DNAH11: variants seen among roughly 807,000 people sequenced by gnomAD.
DNAH11 encodes dynein axonemal heavy chain 11, also known as axonemal beta dynein heavy chain 11.
A neutral mutation model predicts 526.0 loss-of-function variants in DNAH11; 442 were observed. That is an observed-to-expected ratio of 0.84 (90% CI 0.78 to 0.91). The LOEUF (loss-of-function observed/expected upper bound fraction) is 0.91, where lower values mean the gene tolerates loss of function less well. Ranked by LOEUF, DNAH11 falls within the 40% of genes least tolerant of loss-of-function variation. DNAH11 has a pLI of 0.00. For missense variants in DNAH11, 6,989 were observed against 5,448.7 expected, an observed-to-expected ratio of 1.28 and a Z score of -8.90; for synonymous variants, 2,461 against 1,935.9, an observed-to-expected ratio of 1.27 and a Z score of -7.12.
chr7:21,548,803 G>A (rs2128426731), intron 2 of DNAH11, among the ~76,000 whole-genome samples: 1 of 152,288 alleles, frequency 6.6e-6, no homozygotes, highest in South Asian at 2.1e-4. Flanking sequence ...GAGGCAAGAG[G>A]AGTAGTTCAT....
At chr7:21,871,179 A>G (rs943459568) in intron 73 of DNAH11, among the ~76,000 whole-genome samples, 11 of 152,234 alleles carry the variant, frequency 7.2e-5, no homozygotes, top group Non-Finnish European at 1.3e-4. Flanking sequence ...AGAGAAAACT[A>G]TTATAAAAGT....
chr7:21,705,988 A>G (rs1247243311), intron 39 of DNAH11, among the ~76,000 whole-genome samples: 3 of 152,298 alleles, frequency 2.0e-5, no homozygotes, highest in African/African-American at 2.4e-5. Context: ...TTCTTTTCCA[A>G]GTCATCCTTG....
intron 1 of DNAH11, among the ~76,000 whole-genome samples, chr7:21,544,747 T>A (rs984481862): frequency 8.5e-5 from 13 of 152,212 alleles, no homozygotes; most frequent in African/African-American, 2.9e-4. Flanking sequence ...TGGTGTATAA[T>A]GAACTGGTAT....
At chr7:21,687,674 A>C in intron 34 of DNAH11, 147 bp downstream of exon 34, 1 of 1,003,750 alleles carries the variant, frequency 1.0e-6, no homozygotes, top group Non-Finnish European at 1.4e-6. Context: ...AATTATTTTG[A>C]ATAGTCTCCC....
chr7:21,792,771 C>A (rs990726879), intron 61 of DNAH11, among the ~76,000 whole-genome samples: 2 of 151,698 alleles, frequency 1.3e-5, no homozygotes, highest in Non-Finnish European at 1.5e-5. Flanking sequence ...TTATTTGGGT[C>A]TTCTCTCCTT....
Position 21,590,910 on chromosome 7 carries a change from T to C in DNAH11, c.2170-8T>C. Reference sequence around the variant, plus strand: ...TATGCAATAATTTTAATAATTGTATTTTAATAGCTAGTGGCTGTATTGAGA... The same window carrying C: ...TATGCAATAATTTTAATAATTGTATCTTAATAGCTAGTGGCTGTATTGAGA... On this transcript the variant is annotated splice_region_variant and splice_polypyrimidine_tract_variant and intron_variant, in intron 12 of 81. Transcript: ENST00000409508. 1 of 1,385,160 alleles carries C rather than the reference T, an allele frequency of 7.2e-7. No homozygotes were observed. Among genetic ancestry groups the C allele is most frequent in the Non-Finnish European group, 9.4e-7 (1 of 1,058,736 alleles). 85.8% of individuals were successfully genotyped at this position (1,385,160 alleles called of 1,614,324 possible).
rs181822842 is a variant in DNAH11, at chr7:21,749,578, A to G, written c.8674-100A>G. The G allele has an allele frequency of 3.9e-3, 5,874 of 1,498,274 alleles. 14 individuals carry two copies. Among genetic ancestry groups the G allele is most frequent in the Non-Finnish European group, 4.8e-3 (5,276 of 1,099,584 alleles). The allele number at this position is 1,498,274 out of a possible 1,614,324, so 92.8% of individuals were successfully genotyped here. On this transcript the variant is annotated intron_variant, in intron 52 of 81. Transcript: ENST00000409508. ...CCAGGGAAAGGCACCCCACAGTGCT[A>G]TGGCGATACAGTTACTGAGTTCTCC...
At chr7:21,878,249 C>G (rs1023312305) in intron 74 of DNAH11, among the ~76,000 whole-genome samples, 1 of 152,108 alleles carries the variant, frequency 6.6e-6, no homozygotes, top group Non-Finnish European at 1.5e-5. Context: ...TTTATGTTAT[C>G]AGAACACAAA....
chr7:21,638,801 A>G lies in DNAH11; in HGVS notation c.4818-138A>G, dbSNP rs867485463. ...CATAAGCAAGATAGATGATGGTGTA[A>G]AAAAGAAGGAAGTAAGCTACCTGTT... is the stretch of plus-strand genomic sequence containing the variant. On this transcript the variant is annotated intron_variant, in intron 27 of 81. Transcript: ENST00000409508. The G allele has an allele frequency of 5.8e-6, 6 of 1,031,190 alleles. No homozygotes were observed. The Middle Eastern group carries it at 1.3e-3, about 230-fold the overall frequency. 63.9% of individuals were successfully genotyped at this position (1,031,190 alleles called of 1,614,324 possible).
chr7:21,648,684 A>G (rs1016231077), intron 28 of DNAH11, among the ~76,000 whole-genome samples: 1 of 152,242 alleles, frequency 6.6e-6, no homozygotes, highest in Non-Finnish European at 1.5e-5. Context: ...GTGTTTTGTT[A>G]TACTGCAAAG....
chr7:21,574,519 C>G (rs1784009823), intron 8 of DNAH11, among the ~76,000 whole-genome samples: 1 of 151,794 alleles, frequency 6.6e-6, no homozygotes, highest in Non-Finnish European at 1.5e-5. Context: ...CAACCACAAG[C>G]CCTGCATACT....
At position 21,847,206 on chromosome 7, in the gene DNAH11, A is replaced by G. The variant is rs529122184; in HGVS notation, c.10896+4458A>G. ...ACTGACTTCTGCTCTGATTTTTATT[A>G]TGTATTCACAAGCTTGCTTTAGGTT... On this transcript the variant is annotated intron_variant, in intron 66 of 81. Coordinates refer to ENST00000409508, the MANE Select transcript of DNAH11 (RefSeq NM_001277115.2). 1.4e-4 allele frequency among the ~76,000 whole-genome samples: 22 copies of G among 152,202 alleles called. No homozygotes were observed. The South Asian group carries it at 4.4e-3, about 30-fold the overall frequency.
chr7:21,835,672 C>G (rs1031069275), intron 65 of DNAH11, among the ~76,000 whole-genome samples: 1 of 152,012 alleles, frequency 6.6e-6, no homozygotes, highest in African/African-American at 2.4e-5. Context: ...CAGGGAAAAA[C>G]TGAAAGCCTT....
At chr7:21,735,873 C>G in intron 46 of DNAH11, 29 bp downstream of exon 46, 1 of 1,556,146 alleles carries the variant, frequency 6.4e-7, no homozygotes, top group Non-Finnish European at 8.7e-7. Flanking sequence ...TTTCTAGAAA[C>G]AAGGGATCAA....
rs187698329 is a variant in DNAH11 at position 21,733,096 on chromosome 7, A to C, written c.7441-2544A>C. 6.6e-4 allele frequency among the ~76,000 whole-genome samples: 100 copies of C among 152,332 alleles called. 2 individuals carry two copies. In the East Asian group the frequency reaches 0.019, roughly 28 times the overall value. ...GTGGGGGCTCTCCCAGCAAAGAAGA[A>C]GCAGGGAAGGCCAGGTGCAGTGACT... On this transcript the variant is annotated intron_variant, in intron 45 of 81. Coordinates refer to ENST00000409508, the MANE Select transcript of DNAH11 (RefSeq NM_001277115.2).
chr7:21,674,755 C>G (rs1292229111), intron 30 of DNAH11, among the ~76,000 whole-genome samples: 3 of 152,048 alleles, frequency 2.0e-5, no homozygotes. Context: ...CAGCCAGAAG[C>G]AGATAGGGAA....
At position 21,877,189 on chromosome 7, in the gene DNAH11, G is replaced by A. The variant is rs528120735; in HGVS notation, c.12196-3513G>A. ...CCCAAGAGGTTTAGACAAGTCAACT[G>A]TACTGCTAGGGTATTTTTCAAATCT... On this transcript the variant is annotated intron_variant, in intron 74 of 81. Transcript: ENST00000409508. 4.0e-4 allele frequency among the ~76,000 whole-genome samples: 61 copies of A among 152,130 alleles called. 1 individual carries two copies. The highest frequency in any genetic ancestry group is 5.3e-4 in the Non-Finnish European group (36 of 68,018).
chr7:21,633,232 C>T (rs899067294), intron 25 of DNAH11, among the ~76,000 whole-genome samples: 1 of 152,206 alleles, frequency 6.6e-6, no homozygotes, highest in African/African-American at 2.4e-5. Flanking sequence ...ACTGGCCTAA[C>T]ATATGATCTG....
chr7:21,856,540 A>G (rs1782855593), intron 68 of DNAH11, among the ~76,000 whole-genome samples: 2 of 152,232 alleles, frequency 1.3e-5, no homozygotes, highest in South Asian at 2.1e-4. Flanking sequence ...AAAGAAAAAT[A>G]CTGGGCAGTC....
Sources: gnomAD v4.1 joint callset for allele counts (sites outside exome capture counted in the v4.1 genomes callset) on GRCh38, gnomAD v4.1.1 for gene constraint, MANE v1.5 for transcripts, NCBI Gene and HGNC (gene_info 2026-07-23, HGNC 2026-07-21) for gene names.